The following SAMSN1 variants were observed in gnomAD, a reference collection of about 807,000 sequenced individuals.
The protein encoded by SAMSN1 is SAM domain, SH3 domain and nuclear localization signals 1, also known as SAM domain-containing protein SAMSN-1.
Under a neutral mutation model 42.0 loss-of-function variants are expected in SAMSN1, and 31 were observed. The observed-to-expected ratio is 0.74, with a 90% CI of 0.55 to 1.00. The LOEUF (loss-of-function observed/expected upper bound fraction) is 1.00. Ranked by LOEUF, SAMSN1 falls within the 50% of genes least tolerant of loss-of-function variation. SAMSN1 has a pLI of 0.00. For missense variants in SAMSN1, 464 were observed against 439.4 expected, an observed-to-expected ratio of 1.06 and a Z score of -0.50; for synonymous variants, 178 against 151.9, an observed-to-expected ratio of 1.17 and a Z score of -1.26.
chr21:14,636,499 TCTCATCTTC>T (rs1352718559), intron 2 of SAMSN1, among the ~76,000 whole-genome samples: 1 of 152,162 alleles, frequency 6.6e-6, no homozygotes, highest in East Asian at 1.9e-4. Flanking sequence ...AAGTCACTAA[TCTCATCTTC>T]CTCATTGGTA....
intron 1 of SAMSN1, among the ~76,000 whole-genome samples, chr21:14,534,470 A>AGAG (rs1444984220): frequency 6.6e-6 from 1 of 152,172 alleles, no homozygotes; most frequent in Non-Finnish European, 1.5e-5. Context: ...AACAACAAAC[A>AGAG]GAGAAATGTG....
At chr21:14,647,130 A>C (rs1469660192) in intron 1 of SAMSN1, among the ~76,000 whole-genome samples, 3 of 152,192 alleles carry the variant, frequency 2.0e-5, no homozygotes, top group African/African-American at 7.2e-5. Context: ...GACTGGCTGC[A>C]TGAATGAAAA....
intron 2 of SAMSN1, among the ~76,000 whole-genome samples, chr21:14,618,805 C>T (rs1171376122): frequency 6.6e-6 from 1 of 152,108 alleles, no homozygotes; most frequent in East Asian, 1.9e-4. Context: ...TTTAATTTGA[C>T]ATTTGCCATG....
rs1986412947 is a variant in SAMSN1 at position 14,485,914 on chromosome 21, A to G, written c.1120T>C (p.Ter374ArgextTer18). ...GATATATAGTTGGGAATGCGTGTTC[A>G]GTCACTTGGCTCTGTGATAATAATC... ...HKIIITEPSD[*>R] Residue 374 changes from the stop codon to arginine (R), a stop_lost, in exon 8 of 8, where the codon TGA (stop) becomes CGA (arginine). Transcript: ENST00000400566. 1.2e-6 allele frequency: 2 copies of G among 1,612,364 alleles called. No homozygotes were observed. Among genetic ancestry groups the G allele is most frequent in the East Asian group, 2.2e-5 (1 of 44,866 alleles).
At chr21:14,624,601 C>T (rs1396227481) in intron 2 of SAMSN1, among the ~76,000 whole-genome samples, 2 of 152,144 alleles carry the variant, frequency 1.3e-5, no homozygotes, top group African/African-American at 4.8e-5. Context: ...CCTGAATAGA[C>T]CAATCACAGG....
At chr21:14,540,385 T>G (rs986842987) in intron 1 of SAMSN1, among the ~76,000 whole-genome samples, 20 of 152,154 alleles carry the variant, frequency 1.3e-4, no homozygotes, top group African/African-American at 4.6e-4. Flanking sequence ...ATTTTTGCAA[T>G]CTACTCATCT....
At chr21:14,603,287 C>G (rs563007357) in intron 5 of SAMSN1, among the ~76,000 whole-genome samples, 1 of 152,122 alleles carries the variant, frequency 6.6e-6, no homozygotes, top group African/African-American at 2.4e-5. Context: ...AGAAAAAGAA[C>G]AGTAAAGTGG....
chr21:14,554,191 G>A (rs1473804172), intron 2 of SAMSN1, among the ~76,000 whole-genome samples: 1 of 151,944 alleles, frequency 6.6e-6, no homozygotes, highest in Non-Finnish European at 1.5e-5. Flanking sequence ...TTAAGTTTTG[G>A]AAAGGCAGTG....
chr21:14,568,744 G>C (rs1981197395), intron 2 of SAMSN1, among the ~76,000 whole-genome samples: 1 of 152,154 alleles, frequency 6.6e-6, no homozygotes, highest in South Asian at 2.1e-4. Context: ...CACTCAGAAA[G>C]ATTTCTCCAC....
At chr21:14,626,440 A>G (rs937688839) in intron 2 of SAMSN1, among the ~76,000 whole-genome samples, 1 of 152,208 alleles carries the variant, frequency 6.6e-6, no homozygotes, top group African/African-American at 2.4e-5. Flanking sequence ...CAAGAAAGAA[A>G]CAAACAACCC....
At chr21:14,649,351 C>G (rs1471403799) in intron 1 of SAMSN1, among the ~76,000 whole-genome samples, 1 of 151,364 alleles carries the variant, frequency 6.6e-6, no homozygotes, top group African/African-American at 2.4e-5. Flanking sequence ...TGCAGCGCAC[C>G]AGCATGGCAC....
At chr21:14,528,486 T>C (rs1201542146) in intron 1 of SAMSN1, among the ~76,000 whole-genome samples, 1 of 152,174 alleles carries the variant, frequency 6.6e-6, no homozygotes, top group Non-Finnish European at 1.5e-5. Context: ...AAAGGCTCTG[T>C]GCTTATGTCC....
intron 6 of SAMSN1, chr21:14,598,453 G>T (rs1982334235): frequency 6.6e-6 from 1 of 152,172 alleles, no homozygotes; most frequent in African/African-American, 2.4e-5. Context: ...TTCCCAAGAT[G>T]TTCTTTATAG....
intron 2 of SAMSN1, among the ~76,000 whole-genome samples, chr21:14,559,348 G>A (rs1408424471): frequency 6.6e-6 from 1 of 152,124 alleles, no homozygotes; most frequent in Non-Finnish European, 1.5e-5. Flanking sequence ...CCTTACCAAG[G>A]CAGCAATGGG....
intron 1 of SAMSN1, among the ~76,000 whole-genome samples, chr21:14,650,731 A>C (rs1983819380): frequency 6.6e-6 from 1 of 152,026 alleles, no homozygotes. Context: ...ACAAAAGATT[A>C]ATGACAAAAA....
intron 2 of SAMSN1, among the ~76,000 whole-genome samples, chr21:14,621,718 A>G (rs1197357782): frequency 6.6e-6 from 1 of 152,224 alleles, no homozygotes; most frequent in Non-Finnish European, 1.5e-5. Flanking sequence ...GCCAAACAAA[A>G]GGCAGCAGAA....
chr21:14,580,254 G>C (rs1043235654), intron 2 of SAMSN1, among the ~76,000 whole-genome samples: 1 of 152,224 alleles, frequency 6.6e-6, no homozygotes, highest in African/African-American at 2.4e-5. Context: ...CAGTTTGGCA[G>C]TTCGGCATAG....
At chr21:14,650,385 T>A (rs577428699) in intron 1 of SAMSN1, among the ~76,000 whole-genome samples, 1 of 152,182 alleles carries the variant, frequency 6.6e-6, no homozygotes, top group East Asian at 1.9e-4. Flanking sequence ...AGAATAGGAA[T>A]TTTGGAAACT....
intron 2 of SAMSN1, among the ~76,000 whole-genome samples, chr21:14,520,323 T>A (rs904301595): frequency 1.3e-5 from 2 of 152,226 alleles, no homozygotes; most frequent in African/African-American, 4.8e-5. Flanking sequence ...GGCCACTTAA[T>A]CTTGTTCTAA....
Sources: gnomAD v4.1 joint callset for allele counts (sites outside exome capture counted in the v4.1 genomes callset) on GRCh38, gnomAD v4.1.1 for gene constraint, MANE v1.5 for transcripts, NCBI Gene and HGNC (gene_info 2026-07-23, HGNC 2026-07-21) for gene names.